Variants in CLCN7 observed in about 807,000 individuals in gnomAD.
CLCN7 encodes Cl-/H+ antiporter 7.
Under a neutral mutation model 102.1 loss-of-function variants are expected in CLCN7, and 60 were observed. The ratio of observed to expected loss-of-function variants is 0.59; its 90% confidence interval spans 0.48 to 0.73. The LOEUF (loss-of-function observed/expected upper bound fraction) is 0.73, where lower values mean the gene tolerates loss of function less well. CLCN7 is among the 30% of genes least tolerant of loss of function. The pLI is 0.00. For synonymous variants in CLCN7, 560 were observed against 490.5 expected (o/e 1.14, Z -1.87); for missense variants, 962 against 1,125.7 (o/e 0.85, Z 2.08).
chr16:1,461,720 C>G (rs1370648878), intron 2 of CLCN7, 46 bp from the exon 3 acceptor site: 4 of 1,524,086 alleles, frequency 2.6e-6, no homozygotes, highest in Admixed American at 1.7e-5. Context: ...GACAAGGCCA[C>G]AAGGAGAGAG....
chr16:1,464,872 TC>T (rs1306420850), intron 2 of CLCN7, among the ~76,000 whole-genome samples: 1 of 152,044 alleles, frequency 6.6e-6, no homozygotes, highest in African/African-American at 2.4e-5. Context: ...AGCTCAGGAC[TC>T]CCAGGGCAGC....
chr16:1,455,136 C>T lies in CLCN7; in HGVS notation c.1096G>A (p.Glu366Lys), dbSNP rs1363926234. The T allele has an allele frequency of 6.3e-7, 1 of 1,591,808 alleles. No individual in the cohort carries two copies. The highest frequency in any genetic ancestry group is 1.3e-5 in the African/African-American group (1 of 74,496). The part of the protein sequence containing the change: ...GLINFGRFDS[E>K]KMAYTIHEIP... The stretch of plus-strand genomic sequence containing the variant: ...AGGTGGGCGATGGGGCAGGTTACCT[C>T]CGAGTCAAACCTTCCGAAGTTGATG... The change falls in exon 12 of 25, where the codon GAG (glutamate) becomes AAG (lysine). Residue 366 changes from glutamate (E) to lysine (K), a missense_variant and splice_region_variant. Coordinates refer to ENST00000382745, the MANE Select transcript of CLCN7 (RefSeq NM_001287.6).
chr16:1,470,642 G>A (rs560299818), intron 1 of CLCN7, among the ~76,000 whole-genome samples: 1 of 152,328 alleles, frequency 6.6e-6, no homozygotes, highest in Non-Finnish European at 1.5e-5. Context: ...GGACAGCAGG[G>A]GAACCCTCCC....
At chr16:1,472,294 G>C (rs756724691) in intron 1 of CLCN7, among the ~76,000 whole-genome samples, 1 of 152,056 alleles carries the variant, frequency 6.6e-6, no homozygotes, top group African/African-American at 2.4e-5. Flanking sequence ...GCAATGGCGT[G>C]ATCTCGGCTC....
At position 1,446,561 on chromosome 16, in the gene CLCN7, G is replaced by A; in HGVS notation, c.*70C>T. On this transcript the variant is annotated 3_prime_UTR_variant, in exon 25 of 25. Transcript: ENST00000382745. The stretch of plus-strand genomic sequence containing the variant: ...GAGCATGGTTTGGGCCGAGAAACCA[G>A]TGACTCCGGGAGGAAATGCAGAAGG... The A allele has an allele frequency of 7.3e-7, 1 of 1,375,574 alleles. No individual in the cohort carries two copies. Among genetic ancestry groups the A allele is most frequent in the Non-Finnish European group, 1.0e-6 (1 of 988,374 alleles). 85.2% of individuals were successfully genotyped at this position (1,375,574 alleles called of 1,614,324 possible). A position where few individuals can be genotyped will look rare whatever the true frequency, so the allele number is the denominator to read the frequency against.
intron 1 of CLCN7, among the ~76,000 whole-genome samples, chr16:1,468,662 G>A (rs1014258565): frequency 3.9e-5 from 6 of 152,106 alleles, no homozygotes; most frequent in African/African-American, 7.2e-5. Flanking sequence ...GACTCGGGCC[G>A]GACGGGAGGC....
In CLCN7 at chr16:1,457,233, C is replaced by A; in HGVS notation, c.822+21G>T. ...CGTGCCCATGGCATCTGGAGCCCACCCACACAAGATTTCAACTCACCTTGA... is the reference window on the plus strand; with the variant it reads ...CGTGCCCATGGCATCTGGAGCCCACACACACAAGATTTCAACTCACCTTGA... On this transcript the variant is annotated intron_variant, in intron 9 of 24. Coordinates refer to ENST00000382745, the MANE Select transcript of CLCN7 (RefSeq NM_001287.6). This position sits in a 1 kb window ranked among gnomAD's most constrained non-coding sequence, Gnocchi z 5.4. 1 of 1,609,838 alleles carries A rather than the reference C, an allele frequency of 6.2e-7. No homozygotes were observed. The highest frequency in any genetic ancestry group is 8.5e-7 in the Non-Finnish European group (1 of 1,176,278).
At position 1,448,349 on chromosome 16, in the gene CLCN7, C is replaced by A. The variant is rs200306235; in HGVS notation, c.2013+6G>T. 6.2e-7 allele frequency: 1 copy of A among 1,612,594 alleles called. No individual in the cohort carries two copies. The highest frequency in any genetic ancestry group is 1.3e-5 in the African/African-American group (1 of 74,950). On this transcript the variant is annotated splice_donor_region_variant and intron_variant, in intron 21 of 24. Coordinates refer to ENST00000382745, the MANE Select transcript of CLCN7 (RefSeq NM_001287.6). ...GGCAGGACCCTGTCTATGGGGTGCC[C>A]GGTACCTGGGTGTCATCGGCATGCT... is the stretch of plus-strand genomic sequence containing the variant.
intron 1 of CLCN7, among the ~76,000 whole-genome samples, chr16:1,465,803 C>T (rs545207468): frequency 2.0e-5 from 3 of 152,200 alleles, no homozygotes; most frequent in Non-Finnish European, 2.9e-5. Flanking sequence ...ACAGTGTTCA[C>T]GCTGCCCTCC....
At chr16:1,464,814 C>T (rs572524364) in intron 2 of CLCN7, among the ~76,000 whole-genome samples, 10 of 152,340 alleles carry the variant, frequency 6.6e-5, no homozygotes, top group Non-Finnish European at 1.3e-4. Flanking sequence ...AAACCGAGGC[C>T]GGCGGGAGAT....
intron 11 of CLCN7, 31 bp downstream of exon 11, chr16:1,455,700 G>T: frequency 6.2e-7 from 1 of 1,610,838 alleles, no homozygotes; most frequent in Non-Finnish European, 8.5e-7. Context: ...CATGCACCCT[G>T]ATCAGGAGGC....
chr16:1,452,977 G>A (rs930026037), intron 14 of CLCN7, 84 bp from the exon 15 acceptor site: 2 of 1,507,970 alleles, frequency 1.3e-6, no homozygotes, highest in Admixed American at 3.9e-5. Context: ...AGTCCCTGAT[G>A]GAGGACACTG....
chr16:1,450,071 G>A (rs1044800058), intron 17 of CLCN7: 7 of 210,916 alleles, frequency 3.3e-5, no homozygotes, highest in Non-Finnish European at 5.8e-5. Flanking sequence ...CCCAGCAGAG[G>A]CAGGCAGAGA....
Position 1,457,164 on chromosome 16 carries a change from G to A in CLCN7, c.822+90C>T. The A allele has an allele frequency of 8.2e-7, 1 of 1,220,434 alleles. No individual in the cohort carries two copies. The highest frequency in any genetic ancestry group is 1.2e-6 in the Non-Finnish European group (1 of 824,700). The allele number at this position is 1,220,434 out of a possible 1,614,324, so 75.6% of individuals were successfully genotyped here. A position where few individuals can be genotyped will look rare whatever the true frequency, so the allele number is the denominator to read the frequency against. On this transcript the variant is annotated intron_variant, in intron 9 of 24. Transcript: ENST00000382745. The surrounding 1 kb of genome is among the most constrained non-coding windows in gnomAD (Gnocchi z 5.4). ...CAGATGGGGCTGGGGCTCTCGGCCT[G>A]GGGGTGCTGAGGGAAGCCCATCTCC...
Position 1,465,301 on chromosome 16 carries a change from C to G in CLCN7, c.179G>C (p.Ser60Thr). Residue 60 changes from serine (S) to threonine (T), a missense_variant, in exon 2 of 25, where the codon AGC (serine) becomes ACC (threonine). This residue lies in a region of CLCN7 where 163 missense variants were observed against 137.7 expected (regional missense o/e 1.18). Coordinates refer to ENST00000382745, the MANE Select transcript of CLCN7 (RefSeq NM_001287.6). ...AAGTTCATCATCCAGCTCCACGCTGCTCATATGTCCGACTCGGAAAAGCGC... is the reference window on the plus strand; with the variant it reads ...AAGTTCATCATCCAGCTCCACGCTGGTCATATGTCCGACTCGGAAAAGCGC... ...RSALFRVGHM[S>T]SVELDDELLD... 1 of 1,613,914 alleles carries G rather than the reference C, an allele frequency of 6.2e-7. No homozygotes were observed. The highest frequency in any genetic ancestry group is 8.5e-7 in the Non-Finnish European group (1 of 1,179,984).
chr16:1,453,754 C>G (rs2038790332), intron 14 of CLCN7, 80 bp downstream of exon 14: 1 of 1,346,632 alleles, frequency 7.4e-7, no homozygotes, highest in South Asian at 1.2e-5. Flanking sequence ...GGAGTGTAAA[C>G]CCCATTCCAC....
intron 1 of CLCN7, among the ~76,000 whole-genome samples, chr16:1,472,954 GAC>G (rs1318793051): frequency 2.7e-5 from 4 of 148,134 alleles, no homozygotes; most frequent in Non-Finnish European, 4.5e-5. Flanking sequence ...TTTTTTTTGA[GAC>G]AGGGTTTCAC....
intron 4 of CLCN7, among the ~76,000 whole-genome samples, chr16:1,461,174 G>A (rs767447955): frequency 2.6e-5 from 4 of 152,258 alleles, no homozygotes; most frequent in East Asian, 1.9e-4. Flanking sequence ...CACAGCCAGC[G>A]GTTGTTATGC....
At chr16:1,465,461 G>C (rs901454341) in intron 1 of CLCN7, 123 bp from the exon 2 acceptor site, 28 of 864,606 alleles carry the variant, frequency 3.2e-5, no homozygotes, top group Non-Finnish European at 5.3e-5. Context: ...GAATGGGCTA[G>C]GCCAGGCCTG....
Sources: allele counts gnomAD v4.1 joint callset (sites outside exome capture counted in the v4.1 genomes callset), GRCh38; gene constraint gnomAD v4.1.1; regional missense constraint gnomAD v4.1.1; non-coding constraint Gnocchi (gnomAD v3.1); transcripts MANE v1.5; gene names NCBI Gene and HGNC (gene_info 2026-07-23, HGNC 2026-07-21).